The following ZMYM2 variants were observed in gnomAD, a reference collection of about 807,000 sequenced individuals.
ZMYM2 encodes the protein zinc finger MYM-type containing 2, also known as zinc finger MYM-type protein 2.
Under a neutral mutation model 162.8 loss-of-function variants are expected in ZMYM2, and 56 were observed. The observed-to-expected ratio is 0.34, with a 90% CI of 0.28 to 0.43. ZMYM2 has a LOEUF of 0.43. ZMYM2 is among the 20% of genes least tolerant of loss of function. The pLI is 1.00. For synonymous variants in ZMYM2, 510 were observed against 541.6 expected (o/e 0.94, Z 0.81); for missense variants, 1,275 against 1,621.8 (o/e 0.79, Z 3.67).
the ZMYM2 span, among the ~76,000 whole-genome samples, chr13:19,892,582 G>T: frequency 1.1e-4 from 17 of 151,724 alleles, no homozygotes; most frequent in East Asian, 3.1e-3. Context: ...TCCCACTAAT[G>T]ATTTAAATAA....
chr13:19,971,497 T>TG (rs1956334987), intron 2 of ZMYM2, among the ~76,000 whole-genome samples: 2 of 151,662 alleles, frequency 1.3e-5, no homozygotes, highest in Non-Finnish European at 2.9e-5. Context: ...CTCGAACTCC[T>TG]GATCTCAGGT....
At chr13:20,066,691 C>T (rs570994474) in intron 19 of ZMYM2, 160 bp from the exon 20 acceptor site, 150 of 567,126 alleles carry the variant, frequency 2.6e-4, no homozygotes, top group African/African-American at 2.5e-3. Context: ...GAGAGGCAGG[C>T]ACACAGAAAA....
At chr13:19,959,433 A>G (rs1056109375) in intron 1 of ZMYM2, among the ~76,000 whole-genome samples, 2 of 151,784 alleles carry the variant, frequency 1.3e-5, no homozygotes, top group Admixed American at 6.6e-5. Context: ...CTTGCTCCGC[A>G]CGTATTGTTT....
the ZMYM2 span, among the ~76,000 whole-genome samples, chr13:19,899,314 A>T: frequency 6.6e-6 from 1 of 152,038 alleles, no homozygotes; most frequent in African/African-American, 2.4e-5. Context: ...ATTTTGTAAA[A>T]CTTATGAAAT....
At chr13:20,023,068 G>T (rs560911916) in intron 7 of ZMYM2, among the ~76,000 whole-genome samples, 7 of 151,940 alleles carry the variant, frequency 4.6e-5, no homozygotes, top group African/African-American at 1.2e-4. Context: ...ATATATTAAG[G>T]GATACTAAGA....
the ZMYM2 span, among the ~76,000 whole-genome samples, chr13:19,866,961 A>C: frequency 6.6e-6 from 1 of 152,248 alleles, no homozygotes; most frequent in Non-Finnish European, 1.5e-5. Flanking sequence ...GCACTTTCTT[A>C]CTATTGTAAT....
At chr13:20,011,283 G>C (rs1435843805) in intron 6 of ZMYM2, among the ~76,000 whole-genome samples, 1 of 151,862 alleles carries the variant, frequency 6.6e-6, no homozygotes, top group Non-Finnish European at 1.5e-5. Flanking sequence ...GAAATGCTTG[G>C]GACCCAAAGT....
chr13:20,010,278 C>A (rs1357529242), intron 6 of ZMYM2, among the ~76,000 whole-genome samples: 1 of 152,136 alleles, frequency 6.6e-6, no homozygotes, highest in African/African-American at 2.4e-5. Context: ...TCACTGCAAC[C>A]TCTGCTTCCT....
the ZMYM2 span, among the ~76,000 whole-genome samples, chr13:19,880,440 T>C: frequency 6.6e-6 from 1 of 151,820 alleles, no homozygotes; most frequent in African/African-American, 2.4e-5. Flanking sequence ...ATTTTTTTTC[T>C]TTTTTTGAGA....
chr13:19,969,763 G>T (rs1180636224), intron 2 of ZMYM2, among the ~76,000 whole-genome samples: 2 of 150,950 alleles, frequency 1.3e-5, no homozygotes, highest in Non-Finnish European at 3.0e-5. Flanking sequence ...TCTGAAATTT[G>T]TCTAATAAGG....
chr13:19,899,199 C>T, the ZMYM2 span, among the ~76,000 whole-genome samples: 4 of 151,572 alleles, frequency 2.6e-5, no homozygotes, highest in African/African-American at 9.7e-5. Flanking sequence ...ATCTGCCTGC[C>T]TCTGCCTCCC....
At chr13:20,075,820 G>A (rs1021352295) in intron 21 of ZMYM2, among the ~76,000 whole-genome samples, 2 of 151,684 alleles carry the variant, frequency 1.3e-5, no homozygotes, top group African/African-American at 4.8e-5. Context: ...AAGTAGCTGG[G>A]ATTACAGGAA....
intron 21 of ZMYM2, among the ~76,000 whole-genome samples, chr13:20,077,428 T>A (rs185172002): frequency 2.5e-4 from 38 of 150,626 alleles, no homozygotes; most frequent in Non-Finnish European, 8.8e-5. Flanking sequence ...TACAATATGT[T>A]CCACTGAAAG....
chr13:19,870,133 T>C, the ZMYM2 span, among the ~76,000 whole-genome samples: 1 of 152,136 alleles, frequency 6.6e-6, no homozygotes, highest in East Asian at 1.9e-4. Context: ...TCTCTAGTTG[T>C]CTCCAAAGTG....
At chr13:20,011,574 T>TTTTG (rs1491379276) in intron 6 of ZMYM2, among the ~76,000 whole-genome samples, 5 of 128,692 alleles carry the variant, frequency 3.9e-5, no homozygotes, top group Admixed American at 2.2e-4. Context: ...TATTTTTTTG[T>TTTTG]TTTATTTTTT....
At chr13:19,985,532 TG>T (rs1949060926) in intron 2 of ZMYM2, among the ~76,000 whole-genome samples, 1 of 67,808 alleles carries the variant, frequency 1.5e-5, no homozygotes, top group South Asian at 4.6e-4. Context: ...TGAATGGTTG[TG>T]TTTTTTTTAA....
At chr13:19,936,022 T>A in the ZMYM2 span, among the ~76,000 whole-genome samples, 1 of 152,190 alleles carries the variant, frequency 6.6e-6, no homozygotes, top group Admixed American at 6.5e-5. Context: ...ATTCTAACCA[T>A]GACTTGCACT....
the ZMYM2 span, among the ~76,000 whole-genome samples, chr13:19,884,256 C>T: frequency 0.012 from 1,835 of 152,146 alleles, 40 homozygotes; most frequent in African/African-American, 0.04. Flanking sequence ...CAGTATTTAT[C>T]CCTTCTGGTA....
chr13:19,943,188 T>G, the ZMYM2 span, among the ~76,000 whole-genome samples: 3 of 152,140 alleles, frequency 2.0e-5, no homozygotes, highest in Non-Finnish European at 1.5e-5. Context: ...CTCCCCAAGT[T>G]TCTCAGGTTT....
Sources: gnomAD v4.1 joint callset for allele counts (sites outside exome capture counted in the v4.1 genomes callset) on GRCh38, gnomAD v4.1.1 for gene constraint, MANE v1.5 for transcripts, NCBI Gene and HGNC (gene_info 2026-07-23, HGNC 2026-07-21) for gene names.